The following HDAC9 variants were observed in gnomAD, a reference collection of about 807,000 sequenced individuals.
HDAC9 encodes the protein MEF-2 interacting transcription repressor (MITR) protein.
A neutral mutation model predicts 139.4 loss-of-function variants in HDAC9; 41 were observed. The ratio of observed to expected loss-of-function variants is 0.29; its 90% CI spans 0.23 to 0.38. The LOEUF is 0.38. HDAC9 is among the 10% of genes least tolerant of loss of function. HDAC9 has a pLI of 1.00. For missense variants in HDAC9, 1,147 were observed against 1,297.0 expected (o/e 0.88, Z 1.78); for synonymous variants, 517 against 476.2 (o/e 1.09, Z -1.12).
intron 22 of HDAC9, among the ~76,000 whole-genome samples, chr7:18,902,887 C>T (rs184320912): frequency 6.6e-6 from 1 of 152,204 alleles, no homozygotes; most frequent in Non-Finnish European, 1.5e-5. Context: ...CAGTCTCGTT[C>T]CTTTGAGTGT....
At chr7:18,439,102 A>C (rs1005782015) in intron 1 of HDAC9, among the ~76,000 whole-genome samples, 25 of 152,268 alleles carry the variant, frequency 1.6e-4, no homozygotes, top group African/African-American at 5.1e-4. Flanking sequence ...TTTATCTTAC[A>C]TTATCTTTAT....
intron 12 of HDAC9, among the ~76,000 whole-genome samples, chr7:18,702,312 T>C (rs1478558458): frequency 6.6e-6 from 1 of 152,176 alleles, no homozygotes; most frequent in East Asian, 1.9e-4. Flanking sequence ...GAAAAGGCAC[T>C]TGGGGGCCGT....
At chr7:18,901,219 TATACACACACACACAC>T (rs1801682523) in intron 22 of HDAC9, among the ~76,000 whole-genome samples, 1 of 130,884 alleles carries the variant, frequency 7.6e-6, no homozygotes, top group South Asian at 2.3e-4. Flanking sequence ...TATATATATA[TATACACACACACACAC>T]ACACACACAC....
chr7:18,634,529 G>T, intron 7 of HDAC9, 98 bp from the exon 8 acceptor site: 1 of 714,500 alleles, frequency 1.4e-6, no homozygotes, highest in Non-Finnish European at 2.3e-6. Context: ...CATTTACATA[G>T]GGGGAAAATA....
chr7:18,903,047 T>G (rs909869336), intron 22 of HDAC9, among the ~76,000 whole-genome samples: 9 of 152,218 alleles, frequency 5.9e-5, no homozygotes, highest in African/African-American at 2.2e-4. Context: ...AACAAATATA[T>G]TCAGCAATTT....
intron 1 of HDAC9, among the ~76,000 whole-genome samples, chr7:18,382,884 T>G (rs1051504722): frequency 6.6e-6 from 1 of 152,234 alleles, no homozygotes; most frequent in Non-Finnish European, 1.5e-5. Flanking sequence ...TATATGTGTA[T>G]GAGTGTGTAT....
chr7:18,687,829 T>G (rs893492439), intron 12 of HDAC9, among the ~76,000 whole-genome samples: 1 of 151,848 alleles, frequency 6.6e-6, no homozygotes, highest in African/African-American at 2.4e-5. Context: ...GGAAACATTT[T>G]TCTTCATTGT....
intron 16 of HDAC9, among the ~76,000 whole-genome samples, chr7:18,779,726 T>C (rs1791082472): frequency 6.6e-6 from 1 of 152,018 alleles, no homozygotes; most frequent in Non-Finnish European, 1.5e-5. Flanking sequence ...GGCAGCTATA[T>C]GTGGTAATGA....
chr7:18,288,906 G>T (rs577072366), upstream of HDAC9, among the ~76,000 whole-genome samples: 1 of 152,198 alleles, frequency 6.6e-6, no homozygotes, highest in Non-Finnish European at 1.5e-5. Context: ...AAGCCGAGGA[G>T]GTGCCACCAA....
chr7:18,881,195 T>C (rs1189091913), intron 22 of HDAC9, among the ~76,000 whole-genome samples: 5 of 152,186 alleles, frequency 3.3e-5, no homozygotes, highest in Non-Finnish European at 5.9e-5. Context: ...GTACATGCTT[T>C]ATCCCAAGTG....
At chr7:18,604,710 T>G (rs1021919876) in intron 6 of HDAC9, among the ~76,000 whole-genome samples, 1 of 152,202 alleles carries the variant, frequency 6.6e-6, no homozygotes, top group African/African-American at 2.4e-5. Flanking sequence ...AGACCTTTTT[T>G]AAATTTCTAC....
intron 13 of HDAC9, among the ~76,000 whole-genome samples, chr7:18,729,804 CAT>C (rs1230823491): frequency 1.3e-5 from 2 of 152,122 alleles, no homozygotes; most frequent in Non-Finnish European, 2.9e-5. Context: ...TCCTTGTCCA[CAT>C]GAGATATTAT....
At chr7:18,303,393 G>A (rs1407671604) in intron 1 of HDAC9, among the ~76,000 whole-genome samples, 1 of 132,618 alleles carries the variant, frequency 7.5e-6, no homozygotes, top group African/African-American at 3.0e-5. Flanking sequence ...GTGTGTGTGT[G>A]TGTGTGTGTG....
intron 17 of HDAC9, among the ~76,000 whole-genome samples, chr7:18,828,761 T>C (rs940610669): frequency 1.3e-5 from 2 of 152,208 alleles, no homozygotes; most frequent in African/African-American, 4.8e-5. Flanking sequence ...GGATCTTCTC[T>C]GGTCTTTCCA....
At chr7:18,410,730 A>C (rs888186326) in intron 1 of HDAC9, among the ~76,000 whole-genome samples, 3 of 152,134 alleles carry the variant, frequency 2.0e-5, no homozygotes, top group Non-Finnish European at 4.4e-5. Flanking sequence ...AGGAAAGAAG[A>C]ATCATCAACT....
chr7:18,539,659 AC>A (rs1170472400), intron 2 of HDAC9, among the ~76,000 whole-genome samples: 2 of 151,876 alleles, frequency 1.3e-5, no homozygotes, highest in African/African-American at 4.9e-5. Context: ...ATTATTCCAA[AC>A]AAAAAGTTTG....
At chr7:18,315,280 T>C (rs1394861023) in intron 1 of HDAC9, among the ~76,000 whole-genome samples, 1 of 152,238 alleles carries the variant, frequency 6.6e-6, no homozygotes, top group Non-Finnish European at 1.5e-5. Flanking sequence ...GTTTACCATA[T>C]GTATGAATTC....
upstream of HDAC9, among the ~76,000 whole-genome samples, chr7:18,495,384 C>T (rs1291156876): frequency 6.6e-6 from 1 of 152,082 alleles, no homozygotes; most frequent in Non-Finnish European, 1.5e-5. Flanking sequence ...AATGTATGTG[C>T]ATTTGCCCTC....
intron 1 of HDAC9, among the ~76,000 whole-genome samples, chr7:18,490,215 A>C (rs1406970740): frequency 6.6e-6 from 1 of 152,076 alleles, no homozygotes; most frequent in Non-Finnish European, 1.5e-5. Flanking sequence ...CATCAGAATT[A>C]CTTGGAGGGC....
Sources: gnomAD v4.1 joint callset for allele counts (sites outside exome capture counted in the v4.1 genomes callset) on GRCh38, gnomAD v4.1.1 for gene constraint, MANE v1.5 for transcripts, NCBI Gene and HGNC (gene_info 2026-07-23, HGNC 2026-07-21) for gene names.